Variants in SHANK1 observed in about 807,000 individuals in gnomAD.
The protein encoded by SHANK1 is SH3 and multiple ankyrin repeat domains protein 1.
Under a neutral mutation model 165.6 loss-of-function variants are expected in SHANK1, and 35 were observed. The ratio of observed to expected loss-of-function variants is 0.21; its 90% CI spans 0.16 to 0.28. The LOEUF (loss-of-function observed/expected upper bound fraction) is 0.28, where lower values mean the gene tolerates loss of function less well. Among genes scored for constraint, SHANK1 ranks in the 10% least tolerant of loss-of-function variants. The probability of loss-of-function intolerance (pLI) is 1.00; values close to 1 mark genes in which losing one functional copy is unlikely to be tolerated. For synonymous variants in SHANK1, 1,428 were observed against 1,384.8 expected (o/e 1.03, Z -0.69); for missense variants, 2,681 against 3,036.4 (o/e 0.88, Z 2.75).
chr19:50,666,492 G>T lies in SHANK1; in HGVS notation c.5468C>A (p.Pro1823Gln). The change falls in exon 23 of 24, where the codon CCA becomes CAA. Residue 1823 changes from proline (P) to glutamine (Q), a missense_variant. Physicochemically the swap from Pro to Gln is moderately conservative, Grantham distance 76. Transcript: ENST00000293441. ...GGAGGCCGTCGGCAAGGGCACCGGTGGGACTTCTGGCTCTACAGCCACCGG... is the reference window on the plus strand; with the variant it reads ...GGAGGCCGTCGGCAAGGGCACCGGTTGGACTTCTGGCTCTACAGCCACCGG... ...GGPVAVEPEVPPVPLPTASSL... is the reference protein window; with the variant it reads ...GGPVAVEPEVQPVPLPTASSL... 6.3e-7 allele frequency: 1 copy of T among 1,595,248 alleles called. No homozygotes were observed. The highest frequency in any genetic ancestry group is 8.5e-7 in the Non-Finnish European group (1 of 1,173,526).
intron 16 of SHANK1, 60 bp from the exon 17 acceptor site, chr19:50,689,028 G>T: frequency 9.0e-6 from 12 of 1,330,032 alleles, no homozygotes; most frequent in Non-Finnish European, 1.3e-5. Flanking sequence ...CCGAGCAGGG[G>T]ATGGGGCTCA....
In SHANK1 at chr19:50,711,505, C is replaced by A. The variant is rs376232050; in HGVS notation, c.961-18G>T. 1.3e-6 allele frequency: 2 copies of A among 1,545,684 alleles called. No homozygotes were observed. Among genetic ancestry groups the A allele is most frequent in the East Asian group, 2.4e-5 (1 of 42,236 alleles). On this transcript the variant is annotated intron_variant, in intron 7 of 23. Transcript: ENST00000293441. The stretch of plus-strand genomic sequence containing the variant: ...TGGCAGGCCTGGGCAGGACAGGGAG[C>A]GAGGGGCATGGATCAGACCCAGGCT...
Position 50,689,294 on chromosome 19 carries a change from G to GTT in SHANK1, c.1965-16_1965-15insAA. On this transcript the variant is annotated splice_polypyrimidine_tract_variant and intron_variant, in intron 15 of 23. Transcript: ENST00000293441. ...TGATGTAATCGCTGGCAGGGAGGCAGGAGAAATGGGGGGGTGGTGGGGGGA... is the reference window on the plus strand; with the variant it reads ...TGATGTAATCGCTGGCAGGGAGGCAGTTGAGAAATGGGGGGGTGGTGGGGGGA... The GTT allele has an allele frequency of 6.4e-7, 1 of 1,562,776 alleles. No homozygotes were observed. Among genetic ancestry groups the GTT allele is most frequent in the Non-Finnish European group, 8.8e-7 (1 of 1,133,896 alleles).
Position 50,669,027 on chromosome 19 carries a change from G to C in SHANK1, c.2933C>G (p.Thr978Ser). The change falls in exon 23 of 24, where the codon ACT (threonine) becomes AGT (serine). Residue 978 changes from threonine to serine, a missense_variant. Transcript: ENST00000293441. ...GCTCTTCTCGCGGCTCCCCACGCGA[G>C]TGTCGGGAGGGGAGGGCCCGTCAAA... is the stretch of plus-strand genomic sequence containing the variant. ...ASFDGPSPPD[T>S]RVGSREKSLY... is the part of the protein sequence containing the mutation. The C allele has an allele frequency of 1.2e-6, 1 of 856,248 alleles. No homozygotes were observed. The highest frequency in any genetic ancestry group is 1.7e-6 in the Non-Finnish European group (1 of 571,924). 53.0% of individuals were successfully genotyped at this position (856,248 alleles called of 1,614,324 possible).
Position 50,667,494 on chromosome 19 carries a change from G to A in SHANK1, c.4466C>T (p.Pro1489Leu), listed in dbSNP as rs1985583238. Residue 1489 changes from proline (P) to leucine (L), a missense_variant, in exon 23 of 24, where the codon CCG becomes CTG. Pro to Leu is a moderately conservative substitution (Grantham distance 98). Around this residue, in one of 10 missense-constraint regions of SHANK1, gnomAD observed 1,713 missense variants for 1,630.2 expected, o/e 1.05. Transcript: ENST00000293441. This position sits in a 1 kb window ranked among gnomAD's most constrained non-coding sequence, Gnocchi z 5.7. ...SAAPEEPERL[P>L]LHVRFLENCQ... is the part of the protein sequence containing the mutation. ...GTTTTCAAGGAACCGCACGTGCAGC[G>A]GCAGCCGCTCGGGTTCTTCGGGGGC... is the stretch of plus-strand genomic sequence containing the variant. 6.5e-7 allele frequency: 1 copy of A among 1,529,130 alleles called. No individual in the cohort carries two copies. 94.7% of individuals were successfully genotyped at this position (1,529,130 alleles called of 1,614,324 possible).
intron 21 of SHANK1, among the ~76,000 whole-genome samples, chr19:50,685,980 G>A (rs192129415): frequency 6.2e-4 from 94 of 152,216 alleles, no homozygotes; most frequent in African/African-American, 2.0e-3. Context: ...AAGAGGCGGG[G>A]CAAGAGCTCA....
intron 21 of SHANK1, among the ~76,000 whole-genome samples, chr19:50,684,247 CAG>C (rs960349250): frequency 6.1e-5 from 9 of 146,978 alleles, no homozygotes; most frequent in African/African-American, 2.3e-4. Flanking sequence ...TTTTTTGAGA[CAG>C]AGTTTCGCTT....
chr19:50,715,559 G>A, intron 4 of SHANK1, 100 bp downstream of exon 4: 1 of 1,063,430 alleles, frequency 9.4e-7, no homozygotes, highest in Non-Finnish European at 1.5e-6. Context: ...CTTGGGGAAT[G>A]TGGAGGTCTA....
rs1300910057 is a variant in SHANK1 at position 50,668,072 on chromosome 19, C to G, written c.3888G>C (p.Glu1296Asp). 2.0e-6 allele frequency: 3 copies of G among 1,480,544 alleles called. No individual in the cohort carries two copies. The highest frequency in any genetic ancestry group is 2.7e-6 in the Non-Finnish European group (3 of 1,120,748). The allele number at this position is 1,480,544 out of a possible 1,614,324, so 91.7% of individuals were successfully genotyped here. A position where few individuals can be genotyped will look rare whatever the true frequency, so the allele number is the denominator to read the frequency against. ...KSIDEGMFSA[E>D]PYLRLESAGS... ...CCGCAGACTCCAGTCGGAGGTAGGG[C>G]TCGGCGGAGAACATGCCCTCGTCGA... The change falls in exon 23 of 24, where the codon GAG becomes GAC. Residue 1296 changes from glutamate (E) to aspartate (D), a missense_variant. Glu to Asp is a conservative substitution (Grantham distance 45, BLOSUM62 2). Around this residue, in one of 10 missense-constraint regions of SHANK1, gnomAD observed 1,713 missense variants for 1,630.2 expected, o/e 1.05. Transcript: ENST00000293441.
chr19:50,703,697 G>A lies in SHANK1; in HGVS notation c.1356C>T (p.Ser452=), dbSNP rs537229520. 291 of 1,465,360 alleles carry A rather than the reference G, an allele frequency of 2.0e-4. 1 individual carries two copies. Among genetic ancestry groups the A allele is most frequent in the Admixed American group, 1.1e-3 (42 of 39,952 alleles). The allele number at this position is 1,465,360 out of a possible 1,614,324, so 90.8% of individuals were successfully genotyped here. Reference sequence around the variant, plus strand: ...CCCCAGAGGACGCGGCCCCCGGGGCGGAGAACACCATCCAGTCGGGCAGCG... The same window carrying A: ...CCCCAGAGGACGCGGCCCCCGGGGCAGAGAACACCATCCAGTCGGGCAGCG... ...SMALPDWMVF[S]APGAASSGAP... is the part of the protein sequence containing the mutation. The change falls in exon 11 of 24, where the codon TCC becomes TCT. Residue 452 remains serine, a synonymous_variant. Coordinates refer to ENST00000293441, the MANE Select transcript of SHANK1 (RefSeq NM_016148.5).
intron 6 of SHANK1, 109 bp from the exon 7 acceptor site, chr19:50,712,223 G>GC (rs1400671920): frequency 4.5e-6 from 5 of 1,122,572 alleles, no homozygotes; most frequent in Non-Finnish European, 6.3e-6. Context: ...ACCTACAGTG[G>GC]CCAATGACAG....
At position 50,662,828 on chromosome 19, in the gene SHANK1, T is replaced by G. The variant is rs1985320853; in HGVS notation, c.5769-146A>C. The G allele has an allele frequency of 7.3e-6, 6 of 825,728 alleles. No individual in the cohort carries two copies. Among genetic ancestry groups the G allele is most frequent in the African/African-American group, 3.6e-5 (2 of 55,518 alleles). 51.2% of individuals were successfully genotyped at this position (825,728 alleles called of 1,614,324 possible). ...GAGACGGAGGAGAGACGGGAAGAAA[T>G]GGAGGGAGCAAGGGGTAAGACGGCC... On this transcript the variant is annotated intron_variant, in intron 23 of 23. Coordinates refer to ENST00000293441, the MANE Select transcript of SHANK1 (RefSeq NM_016148.5). The surrounding 1 kb of genome is among the most constrained non-coding windows in gnomAD (Gnocchi z 7.7).
intron 15 of SHANK1, among the ~76,000 whole-genome samples, chr19:50,695,599 C>G (rs536112485): frequency 2.0e-5 from 3 of 150,962 alleles, no homozygotes; most frequent in African/African-American, 7.3e-5. Flanking sequence ...GGCACAACAT[C>G]ACACAAGATG....
Position 50,704,369 on chromosome 19 carries a change from C to G in SHANK1, c.1155+68G>C, listed in dbSNP as rs1459470628. 2.8e-6 allele frequency: 4 copies of G among 1,450,200 alleles called. No individual in the cohort carries two copies. The African/African-American group carries it at 5.6e-5, about 20-fold the overall frequency. 89.8% of individuals were successfully genotyped at this position (1,450,200 alleles called of 1,614,324 possible). The stretch of plus-strand genomic sequence containing the variant: ...CTTTCCTCATTGTCCCCTTCCTTAT[C>G]CACTGGGTGTCACTGTCACCCTTTC... On this transcript the variant is annotated intron_variant, in intron 9 of 23. Transcript: ENST00000293441.
rs141726184 is a variant in SHANK1, at chr19:50,661,353, C to T, written c.*612G>A. 2.6e-3 allele frequency among the ~76,000 whole-genome samples: 393 copies of T among 152,186 alleles called. 5 individuals carry two copies. Among genetic ancestry groups the T allele is most frequent in the African/African-American group, 8.8e-3 (367 of 41,508 alleles). On this transcript the variant is annotated 3_prime_UTR_variant, in exon 24 of 24. Coordinates refer to ENST00000293441, the MANE Select transcript of SHANK1 (RefSeq NM_016148.5). Reference sequence around the variant, plus strand: ...GAGCAGAGTGTATTTGAGCGGGCCTCGCCAGCCAGAAGCAAAGGCAGAATG... The same window carrying T: ...GAGCAGAGTGTATTTGAGCGGGCCTTGCCAGCCAGAAGCAAAGGCAGAATG...
rs563322644 is a variant in SHANK1, at chr19:50,713,573, G to A, written c.792+225C>T. Among the ~76,000 whole-genome samples, 8 of 152,080 alleles carry A rather than the reference G, an allele frequency of 5.3e-5. No homozygotes were observed. The highest frequency in any genetic ancestry group is 8.8e-5 in the Non-Finnish European group (6 of 67,994). Reference sequence around the variant, plus strand: ...TTCTGGGTGTTTAGGGGAGGAGGCCGTGCCCGGGTCTGTGTGATGTCAGCT... The same window carrying A: ...TTCTGGGTGTTTAGGGGAGGAGGCCATGCCCGGGTCTGTGTGATGTCAGCT... On this transcript the variant is annotated intron_variant, in intron 6 of 23. Transcript: ENST00000293441. This position sits in a 1 kb window ranked among gnomAD's most constrained non-coding sequence, Gnocchi z 6.2.
chr19:50,673,523 C>T (rs1371730553), intron 21 of SHANK1, among the ~76,000 whole-genome samples: 2 of 152,110 alleles, frequency 1.3e-5, no homozygotes, highest in African/African-American at 2.4e-5. Flanking sequence ...AGACCTTCCC[C>T]GGCCCCCTAC....
chr19:50,703,889 G>A (rs2088903276), intron 10 of SHANK1, 59 bp from the exon 11 acceptor site: 2 of 754,296 alleles, frequency 2.7e-6, no homozygotes, highest in African/African-American at 1.8e-5. Context: ...CAAGCAGGGG[G>A]CCATGCGGGG....
chr19:50,668,695 G>A lies in SHANK1; in HGVS notation c.3265C>T (p.Pro1089Ser). Residue 1089 changes from proline to serine, a missense_variant, in exon 23 of 24, where the codon CCG becomes TCG. This residue lies in a region of SHANK1 where 1,713 missense variants were observed against 1,630.2 expected (regional missense o/e 1.05). Transcript: ENST00000293441. ...GPALRYFQLPPRAASAAMYVP... is the reference protein window; with the variant it reads ...GPALRYFQLPSRAASAAMYVP... The stretch of plus-strand genomic sequence containing the variant: ...TACATGGCTGCGCTGGCCGCCCGCG[G>A]GGGCAGCTGGAAATAGCGTAGAGCC... The A allele has an allele frequency of 7.7e-7, 1 of 1,303,510 alleles. No homozygotes were observed. Among genetic ancestry groups the A allele is most frequent in the Non-Finnish European group, 9.7e-7 (1 of 1,032,330 alleles). 80.7% of individuals were successfully genotyped at this position (1,303,510 alleles called of 1,614,324 possible). A position where few individuals can be genotyped will look rare whatever the true frequency, so the allele number is the denominator to read the frequency against.
Sources: gnomAD v4.1 joint callset for allele counts (sites outside exome capture counted in the v4.1 genomes callset) on GRCh38, gnomAD v4.1.1 for gene constraint, gnomAD v4.1.1 regional missense constraint, Gnocchi (gnomAD v3.1) non-coding constraint, MANE v1.5 for transcripts, NCBI Gene and HGNC (gene_info 2026-07-23, HGNC 2026-07-21) for gene names.